AGBL4: variants seen among roughly 807,000 people sequenced by gnomAD.
AGBL4 encodes the protein cytosolic carboxypeptidase 6.
AGBL4 carries 58 observed loss-of-function variants against 66.4 expected under a neutral mutation model. The observed-to-expected ratio is 0.87, with a 90% CI of 0.71 to 1.09. AGBL4 has a LOEUF of 1.09. Among genes scored for constraint, AGBL4 ranks in the 50% least tolerant of loss-of-function variants. AGBL4 has a pLI of 0.00. For missense variants in AGBL4, 579 were observed against 631.0 expected, an observed-to-expected ratio of 0.92 and a Z score of 0.88; for synonymous variants, 234 against 222.9, an observed-to-expected ratio of 1.05 and a Z score of -0.44.
intron 2 of AGBL4, among the ~76,000 whole-genome samples, chr1:49,734,237 A>G (rs1297538938): frequency 6.6e-6 from 1 of 151,982 alleles, no homozygotes; most frequent in Non-Finnish European, 1.5e-5. Context: ...GACTCTTGCT[A>G]TTAATATTAG....
chr1:49,575,615 C>G (rs567471941), intron 3 of AGBL4, among the ~76,000 whole-genome samples: 3 of 152,228 alleles, frequency 2.0e-5, no homozygotes, highest in Non-Finnish European at 4.4e-5. Flanking sequence ...TGGAAAATGA[C>G]AGTGGATTAT....
intron 3 of AGBL4, among the ~76,000 whole-genome samples, chr1:49,510,808 C>A (rs1327325499): frequency 6.6e-6 from 1 of 150,586 alleles, no homozygotes; most frequent in Non-Finnish European, 1.5e-5. Context: ...ATATGGCTAG[C>A]CAGTTTTCCC....
chr1:48,773,182 C>T (rs1356111424), intron 6 of AGBL4, among the ~76,000 whole-genome samples: 2 of 152,054 alleles, frequency 1.3e-5, no homozygotes, highest in East Asian at 1.9e-4. Context: ...TAACAGAGCA[C>T]AGGTGCCTAG....
intron 5 of AGBL4, among the ~76,000 whole-genome samples, chr1:48,927,957 G>T (rs2148899523): frequency 6.6e-6 from 1 of 152,298 alleles, no homozygotes; most frequent in East Asian, 1.9e-4. Flanking sequence ...AAGCCAGAAT[G>T]CTACCCCAGT....
intron 4 of AGBL4, among the ~76,000 whole-genome samples, chr1:49,155,294 T>C (rs1646409509): frequency 6.6e-6 from 1 of 152,140 alleles, no homozygotes; most frequent in African/African-American, 2.4e-5. Context: ...CATCCAACCC[T>C]AAAACCCAAG....
At position 48,601,259 on chromosome 1, in the gene AGBL4, C is replaced by G. The variant is rs533188891; in HGVS notation, c.952-10274G>C. Among the ~76,000 whole-genome samples, 20 of 152,308 alleles carry G rather than the reference C, an allele frequency of 1.3e-4. No homozygotes were observed. In the South Asian group the frequency reaches 3.7e-3, roughly 28 times the overall value. Reference sequence around the variant, plus strand: ...CCCTCCCTGAGTTTCAGTTTAATCACTTGAAATTTGAAGATAACAATCACA... The same window carrying G: ...CCCTCCCTGAGTTTCAGTTTAATCAGTTGAAATTTGAAGATAACAATCACA... On this transcript the variant is annotated intron_variant, in intron 9 of 13. Transcript: ENST00000371839.
intron 3 of AGBL4, among the ~76,000 whole-genome samples, chr1:49,434,731 G>GT (rs1645865011): frequency 6.6e-6 from 1 of 151,168 alleles, no homozygotes; most frequent in Non-Finnish European, 1.5e-5. Flanking sequence ...TGGTGGTGGT[G>GT]GTGTGTGTGT....
At chr1:49,828,430 G>T (rs1645566969) in intron 2 of AGBL4, among the ~76,000 whole-genome samples, 1 of 152,190 alleles carries the variant, frequency 6.6e-6, no homozygotes, top group Non-Finnish European at 1.5e-5. Context: ...AGTAAAGATG[G>T]TGTGGGGGAG....
chr1:48,948,617 C>T (rs181664175), intron 5 of AGBL4, among the ~76,000 whole-genome samples: 1 of 152,306 alleles, frequency 6.6e-6, no homozygotes, highest in East Asian at 1.9e-4. Flanking sequence ...TTTTTACCCT[C>T]TTGCCTTTTT....
intron 1 of AGBL4, among the ~76,000 whole-genome samples, chr1:49,973,907 C>T (rs1658351244): frequency 6.6e-6 from 1 of 151,626 alleles, no homozygotes; most frequent in Admixed American, 6.6e-5. Context: ...AACAGTACTG[C>T]AGAGTGGAGA....
chr1:49,291,939 G>A (rs1644542405), intron 3 of AGBL4, among the ~76,000 whole-genome samples: 1 of 152,212 alleles, frequency 6.6e-6, no homozygotes. Context: ...AGAGCAGGTA[G>A]GAGCCCTACC....
chr1:49,053,453 T>G (rs11205592), intron 4 of AGBL4, among the ~76,000 whole-genome samples: 102,742 of 151,846 alleles, frequency 0.68, 35,295 homozygotes, highest in African/African-American at 0.75. Context: ...CTGGCAGCTT[T>G]TTGTACCAGT....
intron 3 of AGBL4, among the ~76,000 whole-genome samples, chr1:49,557,626 A>T (rs1161168717): frequency 2.6e-5 from 4 of 152,118 alleles, no homozygotes; most frequent in African/African-American, 9.7e-5. Flanking sequence ...CAGTGGTCTC[A>T]ACTTGAGTTC....
intron 6 of AGBL4, chr1:48,761,316 AGAAAG>A (rs1644245482): frequency 6.5e-7 from 1 of 1,540,356 alleles, no homozygotes; most frequent in African/African-American, 1.4e-5. Context: ...ATACCTCCAA[AGAAAG>A]GAAAGATTTT....
chr1:49,175,645 T>A (rs1237057946), intron 4 of AGBL4, among the ~76,000 whole-genome samples: 1 of 152,132 alleles, frequency 6.6e-6, no homozygotes, highest in Non-Finnish European at 1.5e-5. Flanking sequence ...ATTCTATTAT[T>A]AAAACAAGTA....
chr1:49,263,156 G>T (rs1229385253), intron 3 of AGBL4, among the ~76,000 whole-genome samples: 1 of 151,812 alleles, frequency 6.6e-6, no homozygotes, highest in Non-Finnish European at 1.5e-5. Context: ...GGACTGTTGT[G>T]GGGTGGGGGG....
chr1:49,964,470 T>A (rs1360139001), intron 1 of AGBL4, among the ~76,000 whole-genome samples: 1 of 152,158 alleles, frequency 6.6e-6, no homozygotes, highest in Non-Finnish European at 1.5e-5. Flanking sequence ...GCAATGGTAG[T>A]GATTTTGCTA....
intron 3 of AGBL4, among the ~76,000 whole-genome samples, chr1:49,284,211 C>A (rs1288062968): frequency 6.6e-6 from 1 of 152,044 alleles, no homozygotes; most frequent in Non-Finnish European, 1.5e-5. Flanking sequence ...GAGTGGGGGC[C>A]AATATTCAAC....
At chr1:49,567,574 T>A (rs568648008) in intron 3 of AGBL4, among the ~76,000 whole-genome samples, 12 of 152,308 alleles carry the variant, frequency 7.9e-5, no homozygotes, top group African/African-American at 2.9e-4. Context: ...TAAAAGTTAT[T>A]TTATTTTGTT....
Sources: allele counts gnomAD v4.1 joint callset (sites outside exome capture counted in the v4.1 genomes callset), GRCh38; gene constraint gnomAD v4.1.1; transcripts MANE v1.5; gene names NCBI Gene and HGNC (gene_info 2026-07-23, HGNC 2026-07-21).